Variants in INPP4B observed in about 807,000 individuals in gnomAD.
INPP4B encodes the protein inositol polyphosphate 4-phosphatase type II.
A neutral mutation model predicts 122.5 loss-of-function variants in INPP4B; 55 were observed. The ratio of observed to expected loss-of-function variants is 0.45; its 90% CI spans 0.36 to 0.56. The LOEUF (loss-of-function observed/expected upper bound fraction) is 0.56, where lower values mean the gene tolerates loss of function less well. Ranked by LOEUF, INPP4B falls within the 20% of genes least tolerant of loss-of-function variation. INPP4B has a pLI of 0.00. For synonymous variants in INPP4B, 403 were observed against 388.7 expected, an observed-to-expected ratio of 1.04 and a Z score of -0.43; for missense variants, 1,000 against 1,097.7, an observed-to-expected ratio of 0.91 and a Z score of 1.26.
intron 8 of INPP4B, among the ~76,000 whole-genome samples, chr4:142,307,901 G>A (rs1764048909): frequency 6.6e-6 from 1 of 152,128 alleles, no homozygotes; most frequent in Non-Finnish European, 1.5e-5. Flanking sequence ...TGAGATTATT[G>A]CAGTCTTTTT....
At chr4:142,061,912 ATATATATATATATATATATATATATAT>A (rs1372926434) in intron 25 of INPP4B, among the ~76,000 whole-genome samples, 1 of 5,886 alleles carries the variant, frequency 1.7e-4, no homozygotes, top group African/African-American at 3.3e-4. Context: ...ATATATATAT[ATATATATATATATATATATATATATAT>A]ATCTGTAACT....
intron 2 of INPP4B, among the ~76,000 whole-genome samples, chr4:142,592,697 G>A (rs760550634): frequency 6.6e-6 from 1 of 152,130 alleles, no homozygotes; most frequent in Non-Finnish European, 1.5e-5. Flanking sequence ...TTTTTAAGTG[G>A]AAGCATAGTG....
intron 2 of INPP4B, among the ~76,000 whole-genome samples, chr4:142,621,343 G>C: frequency 6.6e-6 from 1 of 151,884 alleles, no homozygotes; most frequent in East Asian, 1.9e-4. Flanking sequence ...AATTATATCT[G>C]TTTAGGCCAG....
chr4:142,086,157 C>G lies in INPP4B; in HGVS notation c.2474G>C (p.Trp825Ser). Reference sequence around the variant, plus strand: ...GAGAGTGCTTACCGTTGCAGCCAGCCACATAATTTCTACATTCTTTCTTTT... The same window carrying G: ...GAGAGTGCTTACCGTTGCAGCCAGCGACATAATTTCTACATTCTTTCTTTT... ...SKKRKNVEIM[W>S]LAATICRKLN... is the part of the protein sequence containing the mutation. Residue 825 changes from tryptophan to serine, a missense_variant, in exon 24 of 26, where the codon TGG becomes TCG. Coordinates refer to ENST00000262992, the MANE Select transcript of INPP4B (RefSeq NM_001101669.3). 6.3e-7 allele frequency: 1 copy of G among 1,586,130 alleles called. No homozygotes were observed. The highest frequency in any genetic ancestry group is 8.7e-7 in the Non-Finnish European group (1 of 1,154,738).
At chr4:142,331,307 A>G (rs987785702) in intron 7 of INPP4B, among the ~76,000 whole-genome samples, 1 of 152,164 alleles carries the variant, frequency 6.6e-6, no homozygotes, top group Non-Finnish European at 1.5e-5. Context: ...GACATGTAGG[A>G]TCAGCTCTCC....
At chr4:142,581,008 ACTTTGT>A (rs977342361) in intron 2 of INPP4B, among the ~76,000 whole-genome samples, 10 of 151,998 alleles carry the variant, frequency 6.6e-5, no homozygotes, top group African/African-American at 2.2e-4. Context: ...CTCTTCTCTC[ACTTTGT>A]CTTTGTGAGA....
intron 1 of INPP4B, among the ~76,000 whole-genome samples, chr4:142,835,609 A>T (rs1782687228): frequency 6.6e-6 from 1 of 152,216 alleles, no homozygotes; most frequent in South Asian, 2.1e-4. Flanking sequence ...CTATTATTTT[A>T]GGGATAATTT....
intron 2 of INPP4B, among the ~76,000 whole-genome samples, chr4:142,690,677 G>C (rs1423023558): frequency 6.6e-6 from 1 of 152,140 alleles, no homozygotes; most frequent in African/African-American, 2.4e-5. Flanking sequence ...GTAAATTGTT[G>C]CCTCCCACTC....
chr4:142,270,071 C>T (rs964666003), intron 10 of INPP4B, among the ~76,000 whole-genome samples: 15 of 152,126 alleles, frequency 9.9e-5, no homozygotes, highest in African/African-American at 3.6e-4. Flanking sequence ...GAATCCTGGA[C>T]ACATATTTAT....
intron 2 of INPP4B, among the ~76,000 whole-genome samples, chr4:142,595,031 T>G (rs777267219): frequency 6.6e-6 from 1 of 151,974 alleles, no homozygotes. Flanking sequence ...TTCATTTTTA[T>G]TTATTTGACT....
chr4:142,775,476 G>T (rs910546425), intron 1 of INPP4B, among the ~76,000 whole-genome samples: 12 of 151,132 alleles, frequency 7.9e-5, no homozygotes, highest in East Asian at 7.8e-4. Flanking sequence ...CTTACCCTCT[G>T]CATATTTTGT....
intron 5 of INPP4B, among the ~76,000 whole-genome samples, chr4:142,428,747 G>A (rs1808649036): frequency 6.6e-6 from 1 of 151,956 alleles, no homozygotes; most frequent in African/African-American, 2.4e-5. Flanking sequence ...GAAGAGTCAG[G>A]GAATGTTCTT....
chr4:142,620,110 A>AT (rs1744566512), intron 2 of INPP4B, among the ~76,000 whole-genome samples: 1 of 151,982 alleles, frequency 6.6e-6, no homozygotes, highest in South Asian at 2.1e-4. Flanking sequence ...TCTTAAAGAA[A>AT]TTAAAACAGA....
chr4:142,193,018 T>C, intron 15 of INPP4B, 69 bp downstream of exon 15: 1 of 897,284 alleles, frequency 1.1e-6, no homozygotes, highest in Non-Finnish European at 1.9e-6. Flanking sequence ...CCAATCACCT[T>C]GTATATAGAC....
rs370328094 is a variant in INPP4B at position 142,160,489 on chromosome 4, G to A, written c.1432C>T (p.Pro478Ser). The A allele has an allele frequency of 6.2e-7, 1 of 1,612,586 alleles. No individual in the cohort carries two copies. Among genetic ancestry groups the A allele is most frequent in the Non-Finnish European group, 8.5e-7 (1 of 1,179,148 alleles). ...SALLALYTAR[P>S]GGILKKPPSP... ...GGTGGCTTCTTAAGAATGCCTCCTG[G>A]CCTTGCAGTGTAGAGTGCTAAAAGA... The change falls in exon 17 of 26, where the codon CCA becomes TCA. Residue 478 changes from proline (P) to serine (S), a missense_variant. Pro to Ser is a moderately conservative substitution (Grantham distance 74, BLOSUM62 -1). Transcript: ENST00000262992.
At chr4:142,195,640 C>T (rs185509379) in intron 14 of INPP4B, among the ~76,000 whole-genome samples, 48 of 152,178 alleles carry the variant, frequency 3.2e-4, no homozygotes, top group African/African-American at 1.2e-3. Context: ...ACATATATTC[C>T]ACTAAGCCTA....
chr4:142,402,063 T>C (rs997608432), intron 7 of INPP4B, among the ~76,000 whole-genome samples: 1 of 152,198 alleles, frequency 6.6e-6, no homozygotes, highest in African/African-American at 2.4e-5. Flanking sequence ...ATTTTCCCTA[T>C]ACAAGGCACT....
intron 7 of INPP4B, among the ~76,000 whole-genome samples, chr4:142,364,311 CCTTA>C (rs776770065): frequency 1.3e-5 from 2 of 151,802 alleles, no homozygotes; most frequent in African/African-American, 2.4e-5. Flanking sequence ...TCCTGACTTT[CCTTA>C]CTTGTTTATT....
intron 18 of INPP4B, among the ~76,000 whole-genome samples, chr4:142,126,136 A>T (rs1324519666): frequency 6.6e-6 from 1 of 152,162 alleles, no homozygotes; most frequent in Non-Finnish European, 1.5e-5. Flanking sequence ...GCAAATGTTA[A>T]CTATCATAAA....
Sources: allele counts gnomAD v4.1 joint callset (sites outside exome capture counted in the v4.1 genomes callset), GRCh38; gene constraint gnomAD v4.1.1; transcripts MANE v1.5; gene names NCBI Gene and HGNC (gene_info 2026-07-23, HGNC 2026-07-21).